GJC1: variants seen among roughly 807,000 people sequenced by gnomAD.
The protein encoded by GJC1 is gap junction protein gamma 1, also known as gap junction gamma-1 protein.
In GJC1, 5 loss-of-function variants were observed where a neutral mutation model predicts 29.3. The ratio of observed to expected loss-of-function variants is 0.17; its 90% CI spans 0.09 to 0.36. The LOEUF is 0.36. GJC1 is among the 10% of genes least tolerant of loss of function. The probability of loss-of-function intolerance (pLI) is 1.00; values close to 1 mark genes in which losing one functional copy is unlikely to be tolerated. For missense variants in GJC1, 310 were observed against 496.2 expected, an observed-to-expected ratio of 0.62 and a Z score of 3.56; for synonymous variants, 177 against 183.3, an observed-to-expected ratio of 0.97 and a Z score of 0.28.
chr17:44,815,083 C>A (rs1400712957), intron 1 of GJC1, among the ~76,000 whole-genome samples: 1 of 152,168 alleles, frequency 6.6e-6, no homozygotes, highest in East Asian at 1.9e-4. Context: ...TGTCTATACT[C>A]CATCTACAAA....
chr17:44,812,223 G>T (rs2059916494), intron 1 of GJC1, among the ~76,000 whole-genome samples: 1 of 152,006 alleles, frequency 6.6e-6, no homozygotes, highest in Non-Finnish European at 1.5e-5. Flanking sequence ...ACAAGCTGAG[G>T]CTGAGGCAGG....
At chr17:44,808,920 C>A (rs2049943085) in intron 1 of GJC1, among the ~76,000 whole-genome samples, 2 of 151,716 alleles carry the variant, frequency 1.3e-5, no homozygotes, top group South Asian at 4.2e-4. Context: ...ACTAAAAATA[C>A]AAAATTAGCC....
rs911234227 is a variant in GJC1 at position 44,801,405 on chromosome 17, TGGA to T, written c.*3219_*3221del. 2.6e-5 allele frequency: 4 copies of T among 152,190 alleles called. No individual in the cohort carries two copies. Among genetic ancestry groups the T allele is most frequent in the African/African-American group, 9.7e-5 (4 of 41,440 alleles). 9.4% of individuals were successfully genotyped at this position (152,190 alleles called of 1,614,324 possible). A position where few individuals can be genotyped will look rare whatever the true frequency, so the allele number is the denominator to read the frequency against. On this transcript the variant is annotated 3_prime_UTR_variant, in exon 3 of 3. Coordinates refer to ENST00000592524, the MANE Select transcript of GJC1 (RefSeq NM_005497.4). ...AAGGACTAAGCACTCAACTTGTATT[TGGA>T]GGAGAAGCAAGTGTCATGATGGAGC...
chr17:44,805,723 C>T lies in GJC1; in HGVS notation c.95G>A (p.Arg32Gln), dbSNP rs866403432. ...KIWLTVLIVF[R>Q]IVLTAVGGES... ...TCCTCCTACAGCTGTAAGGACGATCCGGAAGACAATCAGAACAGTGAGCCA... is the reference window on the plus strand; with the variant it reads ...TCCTCCTACAGCTGTAAGGACGATCTGGAAGACAATCAGAACAGTGAGCCA... The change falls in exon 3 of 3, where the codon CGG (arginine) becomes CAG (glutamine). Residue 32 changes from arginine to glutamine, a missense_variant. Around this residue, in one of 4 missense-constraint regions of GJC1, gnomAD observed 37 missense variants for 104.2 expected, o/e 0.35. Transcript: ENST00000592524. This position sits in a 1 kb window ranked among gnomAD's most constrained non-coding sequence, Gnocchi z 5.1. The T allele has an allele frequency of 1.9e-6, 3 of 1,613,992 alleles. No individual in the cohort carries two copies. Among genetic ancestry groups the T allele is most frequent in the Non-Finnish European group, 2.5e-6 (3 of 1,179,902 alleles).
At position 44,802,102 on chromosome 17, in the gene GJC1, T is replaced by C. The variant is rs2049855452; in HGVS notation, c.*2525A>G. On this transcript the variant is annotated 3_prime_UTR_variant, in exon 3 of 3. Coordinates refer to ENST00000592524, the MANE Select transcript of GJC1 (RefSeq NM_005497.4). ...GTGGGGAGGTGACAGAATATCTTTA[T>C]ATGTACTTTAAGAAGCTGACGCGTT... 1 of 152,226 alleles carries C rather than the reference T, an allele frequency of 6.6e-6. No individual in the cohort carries two copies. Among genetic ancestry groups the C allele is most frequent in the Non-Finnish European group, 1.5e-5 (1 of 68,044 alleles). The allele number at this position is 152,226 out of a possible 1,614,324, so 9.4% of individuals were successfully genotyped here. A position where few individuals can be genotyped will look rare whatever the true frequency, so the allele number is the denominator to read the frequency against.
chr17:44,825,804 C>T (rs907913162), intron 1 of GJC1, among the ~76,000 whole-genome samples: 3 of 151,198 alleles, frequency 2.0e-5, no homozygotes, highest in African/African-American at 7.3e-5. Context: ...AGTTGAATGA[C>T]TTAATGGGCA....
chr17:44,827,241 C>T (rs1018662266), intron 1 of GJC1, among the ~76,000 whole-genome samples: 2 of 151,770 alleles, frequency 1.3e-5, no homozygotes, highest in Admixed American at 6.6e-5. Flanking sequence ...ACTCGGGAGG[C>T]GGAGGTTGCA....
intron 1 of GJC1, among the ~76,000 whole-genome samples, chr17:44,827,381 A>C (rs1027922481): frequency 2.6e-5 from 4 of 152,162 alleles, no homozygotes; most frequent in Non-Finnish European, 4.4e-5. Context: ...TTCTTTGCCT[A>C]AATTTTTATC....
At chr17:44,810,770 CAATT>C (rs2049970390) in intron 1 of GJC1, among the ~76,000 whole-genome samples, 1 of 151,920 alleles carries the variant, frequency 6.6e-6, no homozygotes, top group Non-Finnish European at 1.5e-5. Flanking sequence ...GGATGGACAT[CAATT>C]AATTCATTTT....
chr17:44,799,219 T>C lies in GJC1; in HGVS notation c.*5408A>G, dbSNP rs1389950760. ...ACTGCACTGGATAACTTTTTTCCTC[T>C]TTTTTGGCGACAGTCTTACTCTGTC... On this transcript the variant is annotated 3_prime_UTR_variant, in exon 3 of 3. Coordinates refer to ENST00000592524, the MANE Select transcript of GJC1 (RefSeq NM_005497.4). 6.6e-6 allele frequency: 1 copy of C among 151,120 alleles called. No individual in the cohort carries two copies. Among genetic ancestry groups the C allele is most frequent in the Non-Finnish European group, 1.5e-5 (1 of 67,798 alleles). The allele number at this position is 151,120 out of a possible 1,614,324, so 9.4% of individuals were successfully genotyped here. A position where few individuals can be genotyped will look rare whatever the true frequency, so the allele number is the denominator to read the frequency against.
At chr17:44,797,653 A>G (rs991010258), downstream of GJC1, 1 of 152,148 alleles carries the variant, frequency 6.6e-6, no homozygotes, top group African/African-American at 2.4e-5. Context: ...AAGGAAACAA[A>G]CCCTAAAAGT....
chr17:44,819,754 T>C (rs2050088446), intron 1 of GJC1, among the ~76,000 whole-genome samples: 1 of 152,240 alleles, frequency 6.6e-6, no homozygotes, highest in African/African-American at 2.4e-5. Flanking sequence ...CCATAGTATG[T>C]ACATACCACG....
At position 44,808,509 on chromosome 17, in the gene GJC1, G is replaced by A. The variant is rs148734923; in HGVS notation, c.-96-1040C>T. On this transcript the variant is annotated intron_variant, in intron 1 of 2. Coordinates refer to ENST00000592524, the MANE Select transcript of GJC1 (RefSeq NM_005497.4). The stretch of plus-strand genomic sequence containing the variant: ...CTCACGCCTGTAATCCCAGCACTTC[G>A]GGAGGCCAAGGTGGGGGGATCACAT... Among the ~76,000 whole-genome samples, 378 of 151,970 alleles carry A rather than the reference G, an allele frequency of 2.5e-3. 1 individual carries two copies. The highest frequency in any genetic ancestry group is 8.3e-3 in the African/African-American group (343 of 41,394).
intron 1 of GJC1, among the ~76,000 whole-genome samples, chr17:44,822,745 G>A (rs922708902): frequency 6.6e-6 from 1 of 150,864 alleles, no homozygotes; most frequent in Non-Finnish European, 1.5e-5. Flanking sequence ...GTGGGGCCAA[G>A]ATGAAGAGCT....
At chr17:44,819,455 G>A (rs1175923779) in intron 1 of GJC1, among the ~76,000 whole-genome samples, 2 of 151,854 alleles carry the variant, frequency 1.3e-5, no homozygotes, top group East Asian at 3.9e-4. Context: ...TCAGGAGATC[G>A]AGACCATCCT....
intron 1 of GJC1, among the ~76,000 whole-genome samples, chr17:44,820,459 T>G (rs2145354524): frequency 6.6e-6 from 1 of 152,274 alleles, no homozygotes; most frequent in East Asian, 1.9e-4. Context: ...GAAAACTATC[T>G]CAGAGTAAAA....
intron 1 of GJC1, among the ~76,000 whole-genome samples, chr17:44,811,667 A>G (rs1249541277): frequency 1.3e-5 from 2 of 152,190 alleles, no homozygotes; most frequent in East Asian, 3.9e-4. Context: ...GATTACAAGC[A>G]TGAGCCACTA....
chr17:44,819,001 A>ACC (rs1555559463), intron 1 of GJC1, among the ~76,000 whole-genome samples: 5 of 146,502 alleles, frequency 3.4e-5, no homozygotes, highest in Non-Finnish European at 7.7e-5. Context: ...AAGCACTAAA[A>ACC]ACCCCCCTCA....
Position 44,804,518 on chromosome 17 carries a change from G to T in GJC1, c.*109C>A. 2 of 877,922 alleles carry T rather than the reference G, an allele frequency of 2.3e-6. No individual in the cohort carries two copies. Among genetic ancestry groups the T allele is most frequent in the Non-Finnish European group, 3.6e-6 (2 of 559,858 alleles). The allele number at this position is 877,922 out of a possible 1,614,324, so 54.4% of individuals were successfully genotyped here. A position where few individuals can be genotyped will look rare whatever the true frequency, so the allele number is the denominator to read the frequency against. ...CCTGAGCTTGGATCATGAGCCAACA[G>T]CATCCCTGAAGATAACCAGAGCCAA... On this transcript the variant is annotated 3_prime_UTR_variant, in exon 3 of 3. Transcript: ENST00000592524.
Sources: gnomAD v4.1 joint callset for allele counts (sites outside exome capture counted in the v4.1 genomes callset) on GRCh38, gnomAD v4.1.1 for gene constraint, gnomAD v4.1.1 regional missense constraint, Gnocchi (gnomAD v3.1) non-coding constraint, MANE v1.5 for transcripts, NCBI Gene and HGNC (gene_info 2026-07-23, HGNC 2026-07-21) for gene names.